NCKAP5L: variants seen among roughly 807,000 people sequenced by gnomAD.
The protein encoded by NCKAP5L is NCK associated protein 5 like, also known as nck-associated protein 5-like.
NCKAP5L carries 54 observed loss-of-function variants against 103.2 expected under a neutral mutation model. That is an observed-to-expected ratio of 0.52 (90% CI 0.42 to 0.66). NCKAP5L has a LOEUF of 0.66. NCKAP5L is among the 30% of genes least tolerant of loss of function. The pLI is 0.00. For synonymous variants in NCKAP5L, 762 were observed against 748.6 expected, an observed-to-expected ratio of 1.02 and a Z score of -0.29; for missense variants, 1,733 against 1,750.6, an observed-to-expected ratio of 0.99 and a Z score of 0.18.
intron 1 of NCKAP5L, among the ~76,000 whole-genome samples, chr12:49,806,491 G>A (rs1946182053): frequency 6.6e-6 from 1 of 152,234 alleles, no homozygotes; most frequent in Non-Finnish European, 1.5e-5. Context: ...AGTTACACTT[G>A]CACACACTGT....
At chr12:49,800,501 G>GCA (rs1407541854) in intron 6 of NCKAP5L, among the ~76,000 whole-genome samples, 1 of 152,260 alleles carries the variant, frequency 6.6e-6, no homozygotes, top group Non-Finnish European at 1.5e-5. Context: ...CCCTAGCAAA[G>GCA]CACAAGCTGG....
chr12:49,814,678 A>T (rs1458930808), intron 1 of NCKAP5L, among the ~76,000 whole-genome samples: 1 of 152,126 alleles, frequency 6.6e-6, no homozygotes, highest in Middle Eastern at 3.2e-3. Context: ...TACTTAAAAA[A>T]AAGACATAGT....
intron 1 of NCKAP5L, among the ~76,000 whole-genome samples, chr12:49,814,743 A>G (rs1946279511): frequency 6.6e-6 from 1 of 152,198 alleles, no homozygotes; most frequent in African/African-American, 2.4e-5. Flanking sequence ...TTAGAAAATG[A>G]AACTATAGCC....
rs768104848 is a variant in NCKAP5L, at chr12:49,796,312, C to A, written c.1548G>T (p.Ala516=). 8.4e-6 allele frequency: 13 copies of A among 1,542,322 alleles called. No homozygotes were observed. The highest frequency in any genetic ancestry group is 1.7e-4 in the Middle Eastern group (1 of 5,718). The stretch of plus-strand genomic sequence containing the variant: ...GTGAAGGGCTGGTGGGCAGGCCTTG[C>A]GCCCCCTCTGGGGACAGCTCTCCTC... The part of the protein sequence containing the change: ...LGGGELSPEG[A]QGLPTSPSPC... The change falls in exon 8 of 13, where the codon GCG becomes GCT. Residue 516 remains alanine (A), a synonymous_variant. Coordinates refer to ENST00000335999, the MANE Select transcript of NCKAP5L (RefSeq NM_001037806.4).
At position 49,793,001 on chromosome 12, in the gene NCKAP5L, G is replaced by GGAGGT; in HGVS notation, c.3341-16_3341-15insACCTC. 2 of 1,515,102 alleles carry GGAGGT rather than the reference G, an allele frequency of 1.3e-6. No homozygotes were observed. The highest frequency in any genetic ancestry group is 1.8e-6 in the Non-Finnish European group (2 of 1,138,160). 93.9% of individuals were successfully genotyped at this position (1,515,102 alleles called of 1,614,324 possible). A position where few individuals can be genotyped will look rare whatever the true frequency, so the allele number is the denominator to read the frequency against. ...GGAGCCACAGGCTGGGGAGGGGAGG[G>GGAGGT]GAGGGCCCGTTAAGAGTGTGAGGCT... On this transcript the variant is annotated splice_polypyrimidine_tract_variant and intron_variant, in intron 10 of 12. Transcript: ENST00000335999.
chr12:49,822,445 A>G (rs1946371167), intron 1 of NCKAP5L, among the ~76,000 whole-genome samples: 1 of 152,158 alleles, frequency 6.6e-6, no homozygotes, highest in Admixed American at 6.5e-5. Flanking sequence ...TGAAAAAAAG[A>G]ATATATATTT....
At chr12:49,799,312 A>AT (rs59501745) in intron 6 of NCKAP5L, among the ~76,000 whole-genome samples, 4,088 of 143,364 alleles carry the variant, frequency 0.029, 131 homozygotes, top group East Asian at 0.13. Flanking sequence ...ATGAGATGAG[A>AT]TTTTTTTTTT....
chr12:49,820,313 CTTTT>C (rs55677422), intron 1 of NCKAP5L, among the ~76,000 whole-genome samples: 11 of 121,422 alleles, frequency 9.1e-5, no homozygotes, highest in Non-Finnish European at 1.4e-4. Flanking sequence ...ATCTCCTGGC[CTTTT>C]TTTTTTTTTT....
At position 49,792,362 on chromosome 12, in the gene NCKAP5L, C is replaced by A; in HGVS notation, c.3792+84G>T. On this transcript the variant is annotated intron_variant, in intron 12 of 12. Coordinates refer to ENST00000335999, the MANE Select transcript of NCKAP5L (RefSeq NM_001037806.4). This position sits in a 1 kb window ranked among gnomAD's most constrained non-coding sequence, Gnocchi z 4.5. ...CACTGAGACTGTGCGACACACAGGC[C>A]GTACCTTACTGGAGAAACTGGTCTC... The A allele has an allele frequency of 1.3e-6, 2 of 1,568,840 alleles. No individual in the cohort carries two copies. The highest frequency in any genetic ancestry group is 2.3e-5 in the East Asian group (1 of 42,558).
At chr12:49,802,069 GACCC>G in intron 5 of NCKAP5L, 102 bp from the exon 6 acceptor site, 2 of 1,431,804 alleles carry the variant, frequency 1.4e-6, no homozygotes, top group African/African-American at 1.4e-5. Flanking sequence ...GAGGCCCCAG[GACCC>G]TTCTGGGCAC....
chr12:49,821,610 G>A (rs754909744), intron 1 of NCKAP5L, among the ~76,000 whole-genome samples: 9 of 152,242 alleles, frequency 5.9e-5, no homozygotes, highest in Non-Finnish European at 1.3e-4. Context: ...ACACTAGGTG[G>A]GGCAGGTCCT....
Position 49,796,125 on chromosome 12 carries a change from G to C in NCKAP5L, c.1735C>G (p.Leu579Val). Residue 579 changes from leucine to valine, a missense_variant, in exon 8 of 13, where the codon CTG becomes GTG. Coordinates refer to ENST00000335999, the MANE Select transcript of NCKAP5L (RefSeq NM_001037806.4). ...GPSPEPPPSP[L>V]QVPTYPQLTL... ...AGCTGTGGGTAGGTGGGCACCTGCA[G>C]TGGGGATGGAGGTGGCTCTGGGGAA... 1 of 1,611,506 alleles carries C rather than the reference G, an allele frequency of 6.2e-7. No individual in the cohort carries two copies. The highest frequency in any genetic ancestry group is 8.5e-7 in the Non-Finnish European group (1 of 1,179,042).
In NCKAP5L at chr12:49,797,519, C is replaced by T; in HGVS notation, c.466-125G>A. ...AGAGCTGGCCTGGTTGTGTCTGTGT[C>T]CCCAAAAGGAATTAACAGCAACTGG... On this transcript the variant is annotated intron_variant, in intron 7 of 12. Transcript: ENST00000335999. The surrounding 1 kb of genome is among the most constrained non-coding windows in gnomAD (Gnocchi z 4.5). 1.4e-6 allele frequency: 1 copy of T among 708,624 alleles called. No individual in the cohort carries two copies. Among genetic ancestry groups the T allele is most frequent in the Non-Finnish European group, 2.3e-6 (1 of 432,920 alleles). The allele number at this position is 708,624 out of a possible 1,614,324, so 43.9% of individuals were successfully genotyped here.
intron 9 of NCKAP5L, 147 bp downstream of exon 9, chr12:49,793,587 C>T (rs1404268808): frequency 4.0e-6 from 5 of 1,246,616 alleles, no homozygotes; most frequent in Non-Finnish European, 5.5e-6. Context: ...GACTGGGAAG[C>T]CCCTCTCCCC....
intron 9 of NCKAP5L, 124 bp downstream of exon 9, chr12:49,793,610 C>T: frequency 2.3e-6 from 3 of 1,323,694 alleles, no homozygotes; most frequent in South Asian, 1.5e-5. Flanking sequence ...CCCAGTCTCC[C>T]CGTAGAGACT....
At position 49,796,699 on chromosome 12, in the gene NCKAP5L, C is replaced by T. The variant is rs1222781385; in HGVS notation, c.1161G>A (p.Glu387=). Residue 387 remains glutamate (E), a synonymous_variant, in exon 8 of 13, where the codon GAG becomes GAA. Transcript: ENST00000335999. ...TAGCACCGAAGCCTGGCCTGTGGGCCTCTGGGGTACCCCCACCCCAAGCTG... is the reference window on the plus strand; with the variant it reads ...TAGCACCGAAGCCTGGCCTGTGGGCTTCTGGGGTACCCCCACCCCAAGCTG... ...PKSAWGGGTP[E]AHRPGFGATS... 1.9e-6 allele frequency: 3 copies of T among 1,597,844 alleles called. No homozygotes were observed. Among genetic ancestry groups the T allele is most frequent in the Middle Eastern group, 3.4e-4 (2 of 5,930 alleles).
rs1273612462 is a variant in NCKAP5L at position 49,797,014 on chromosome 12, C to T, written c.846G>A (p.Gln282=). 6.3e-7 allele frequency: 1 copy of T among 1,581,004 alleles called. No individual in the cohort carries two copies. The highest frequency in any genetic ancestry group is 2.3e-5 in the East Asian group (1 of 43,276). Residue 282 remains glutamine (Q), a synonymous_variant, in exon 8 of 13, where the codon CAG becomes CAA. Transcript: ENST00000335999. This position sits in a 1 kb window ranked among gnomAD's most constrained non-coding sequence, Gnocchi z 4.5. ...RPWGPSRGPP[Q]AQGTSSGPNC... Reference sequence around the variant, plus strand: ...TTGGGCCAGAGCTGGTGCCCTGGGCCTGAGGAGGTCCCCTGCTAGGACCCC... The same window carrying T: ...TTGGGCCAGAGCTGGTGCCCTGGGCTTGAGGAGGTCCCCTGCTAGGACCCC...
chr12:49,794,830 C>T lies in NCKAP5L; in HGVS notation c.3030G>A (p.Gln1010=), dbSNP rs1323033432. The part of the protein sequence containing the change: ...PAPGPNTGLG[Q]VQGQLAGMYQ... ...ACATGCCAGCCAGCTGGCCCTGCAC[C>T]TGCCCCAGCCCCGTGTTGGGCCCTG... Residue 1010 remains glutamine (Q), a synonymous_variant, in exon 8 of 13, where the codon CAG becomes CAA. Transcript: ENST00000335999. The T allele has an allele frequency of 1.3e-6, 2 of 1,542,228 alleles. No homozygotes were observed. The highest frequency in any genetic ancestry group is 1.7e-6 in the Non-Finnish European group (2 of 1,144,668).
At chr12:49,812,644 T>G (rs528523913) in intron 1 of NCKAP5L, among the ~76,000 whole-genome samples, 1 of 152,294 alleles carries the variant, frequency 6.6e-6, no homozygotes, top group South Asian at 2.1e-4. Context: ...CCTCCCAAAG[T>G]GCTGGGATTA....
Sources: gnomAD v4.1 joint callset for allele counts (sites outside exome capture counted in the v4.1 genomes callset) on GRCh38, gnomAD v4.1.1 for gene constraint, Gnocchi (gnomAD v3.1) non-coding constraint, MANE v1.5 for transcripts, NCBI Gene and HGNC (gene_info 2026-07-23, HGNC 2026-07-21) for gene names.